The following LGR5 variants were observed in gnomAD, a reference collection of about 807,000 sequenced individuals.
LGR5 encodes leucine rich repeat containing G protein-coupled receptor 5.
Under a neutral mutation model 76.7 loss-of-function variants are expected in LGR5, and 54 were observed. The ratio of observed to expected loss-of-function variants is 0.70; its 90% CI spans 0.57 to 0.88. LGR5 has a LOEUF of 0.88. Among genes scored for constraint, LGR5 ranks in the 40% least tolerant of loss-of-function variants. The pLI, the probability that LGR5 is intolerant of heterozygous loss-of-function variation, is 0.00. For synonymous variants in LGR5, 406 were observed against 421.9 expected (o/e 0.96, Z 0.46); for missense variants, 1,078 against 1,073.3 (o/e 1.00, Z -0.06).
At chr12:71,569,073 T>C (rs1878480974) in intron 11 of LGR5, among the ~76,000 whole-genome samples, 1 of 152,194 alleles carries the variant, frequency 6.6e-6, no homozygotes, top group African/African-American at 2.4e-5. Context: ...GGATTCCCTG[T>C]TTAATAAATG....
At chr12:71,460,341 C>T (rs948871480) in intron 1 of LGR5, among the ~76,000 whole-genome samples, 2 of 152,096 alleles carry the variant, frequency 1.3e-5, no homozygotes, top group African/African-American at 4.8e-5. Context: ...GAGAAGTTGG[C>T]TAAACTTACT....
At chr12:71,553,862 G>A (rs772258685) in intron 5 of LGR5, among the ~76,000 whole-genome samples, 20 of 152,136 alleles carry the variant, frequency 1.3e-4, no homozygotes, top group Non-Finnish European at 8.8e-5. Flanking sequence ...AAGCCAAGGC[G>A]GGTGTATCAC....
intron 4 of LGR5, among the ~76,000 whole-genome samples, chr12:71,539,678 A>G (rs1876779243): frequency 6.6e-6 from 1 of 152,108 alleles, no homozygotes; most frequent in African/African-American, 2.4e-5. Context: ...GGGTTTCACT[A>G]TGTTGGTCAG....
chr12:71,578,106 C>A (rs1032696459), intron 14 of LGR5, 110 bp downstream of exon 14: 2 of 771,840 alleles, frequency 2.6e-6, no homozygotes, highest in African/African-American at 3.4e-5. Context: ...AGATTACCTG[C>A]CTCTGTGTTC....
chr12:71,580,162 G>C, intron 15 of LGR5, 116 bp from the exon 16 acceptor site: 2 of 913,360 alleles, frequency 2.2e-6, no homozygotes, highest in South Asian at 3.6e-5. Flanking sequence ...TTATACTTTG[G>C]ATTATTTATT....
intron 1 of LGR5, among the ~76,000 whole-genome samples, chr12:71,487,087 T>C (rs928891594): frequency 1.9e-4 from 29 of 152,158 alleles, no homozygotes; most frequent in African/African-American, 6.5e-4. Flanking sequence ...CCCAGCATTA[T>C]TGAGAGAAAA....
At chr12:71,538,242 G>A (rs750039937) in intron 4 of LGR5, among the ~76,000 whole-genome samples, 8 of 152,206 alleles carry the variant, frequency 5.3e-5, no homozygotes, top group Non-Finnish European at 7.3e-5. Flanking sequence ...GCCAGGTATG[G>A]TGGCTCATGC....
chr12:71,566,594 A>G, intron 9 of LGR5, 38 bp from the exon 10 acceptor site: 1 of 1,569,556 alleles, frequency 6.4e-7, no homozygotes, highest in Non-Finnish European at 8.8e-7. Flanking sequence ...CCTGTCTAGA[A>G]TCTTCTACCA....
At position 71,496,977 on chromosome 12, in the gene LGR5, T is replaced by C. The variant is rs1427173529; in HGVS notation, c.213-7637T>C. Among the ~76,000 whole-genome samples, 4 of 152,158 alleles carry C rather than the reference T, an allele frequency of 2.6e-5. No individual in the cohort carries two copies. In the East Asian group the frequency reaches 7.7e-4, roughly 29 times the overall value. On this transcript the variant is annotated intron_variant, in intron 1 of 17. Coordinates refer to ENST00000266674, the MANE Select transcript of LGR5 (RefSeq NM_003667.4). ...GGGTTCTGAGGTGATGTCAATATTC[T>C]ATTTCTTGATTTGTGCTAGTTAATG...
At chr12:71,570,768 A>G (rs1182069463) in intron 11 of LGR5, among the ~76,000 whole-genome samples, 1 of 152,198 alleles carries the variant, frequency 6.6e-6, no homozygotes, top group Non-Finnish European at 1.5e-5. Flanking sequence ...CCCCTTAGAA[A>G]AAGTATGATT....
chr12:71,508,480 G>T (rs1000731233), intron 2 of LGR5, among the ~76,000 whole-genome samples: 1 of 152,090 alleles, frequency 6.6e-6, no homozygotes, highest in African/African-American at 2.4e-5. Context: ...ACTCAGCCGG[G>T]CACAGGGGCT....
At chr12:71,563,792 T>G (rs961328281) in intron 8 of LGR5, among the ~76,000 whole-genome samples, 1 of 152,154 alleles carries the variant, frequency 6.6e-6, no homozygotes, top group Non-Finnish European at 1.5e-5. Flanking sequence ...AAACTCCTTA[T>G]GTGTGTTTAT....
chr12:71,532,692 T>C (rs1214592064), intron 3 of LGR5, among the ~76,000 whole-genome samples: 1 of 152,086 alleles, frequency 6.6e-6, no homozygotes, highest in Non-Finnish European at 1.5e-5. Context: ...ATTATACAGA[T>C]AAAAGACCAA....
intron 7 of LGR5, among the ~76,000 whole-genome samples, chr12:71,560,144 C>G (rs998586036): frequency 4.6e-5 from 7 of 152,156 alleles, no homozygotes; most frequent in Non-Finnish European, 8.8e-5. Flanking sequence ...GGACAACAAC[C>G]CTTGCACAGT....
chr12:71,453,377 C>T (rs557473518), intron 1 of LGR5, among the ~76,000 whole-genome samples: 1 of 151,918 alleles, frequency 6.6e-6, no homozygotes, highest in Non-Finnish European at 1.5e-5. Context: ...AGGCTGATGG[C>T]ACAATGTTAG....
chr12:71,528,166 G>A (rs561006785), intron 3 of LGR5, among the ~76,000 whole-genome samples: 2 of 152,166 alleles, frequency 1.3e-5, no homozygotes, highest in East Asian at 3.9e-4. Flanking sequence ...GTTTAAAATC[G>A]TGTTCGTAGC....
At chr12:71,574,345 A>G (rs1878755938) in intron 13 of LGR5, among the ~76,000 whole-genome samples, 1 of 147,976 alleles carries the variant, frequency 6.8e-6, no homozygotes. Flanking sequence ...ATAGATACCA[A>G]AAGAATGTGA....
intron 2 of LGR5, among the ~76,000 whole-genome samples, chr12:71,523,015 T>G (rs1875802341): frequency 6.6e-6 from 1 of 152,234 alleles, no homozygotes; most frequent in South Asian, 2.1e-4. Context: ...TAAAGTGTGT[T>G]GTATTTTAAT....
intron 4 of LGR5, among the ~76,000 whole-genome samples, chr12:71,541,352 G>A (rs1351430465): frequency 6.6e-6 from 1 of 152,154 alleles, no homozygotes. Context: ...TTGCATGCAT[G>A]GCAGTCATAT....
Sources: allele counts gnomAD v4.1 joint callset (sites outside exome capture counted in the v4.1 genomes callset), GRCh38; gene constraint gnomAD v4.1.1; transcripts MANE v1.5; gene names NCBI Gene and HGNC (gene_info 2026-07-23, HGNC 2026-07-21).